Variants in ATRX observed in about 807,000 individuals in gnomAD.
ATRX encodes ATRX chromatin remodeler.
A neutral mutation model predicts 172.6 loss-of-function variants in ATRX; 12 were observed. The observed-to-expected ratio is 0.07, with a 90% CI of 0.04 to 0.11. The LOEUF (loss-of-function observed/expected upper bound fraction) is 0.11, where lower values mean the gene tolerates loss of function less well. ATRX is among the 10% of genes least tolerant of loss of function. ATRX has a pLI of 1.00. For synonymous variants in ATRX, 674 were observed against 594.7 expected, an observed-to-expected ratio of 1.13 and a Z score of -1.94; for missense variants, 1,368 against 1,767.4, an observed-to-expected ratio of 0.77 and a Z score of 4.05.
At chrX:77,666,440 A>G (rs1423255239) in intron 10 of ATRX, among the ~76,000 whole-genome samples, 1 of 112,434 alleles carries the variant, frequency 8.9e-6, no homozygotes, top group Non-Finnish European at 1.9e-5. Context: ...TACTTTCATC[A>G]TTTATAAAAT....
At chrX:77,725,927 C>T (rs1408457154) in intron 1 of ATRX, among the ~76,000 whole-genome samples, 4 of 111,984 alleles carry the variant, frequency 3.6e-5, no homozygotes, top group South Asian at 7.4e-4. Flanking sequence ...AATGAGATAC[C>T]ATCTCATGCC....
intron 10 of ATRX, among the ~76,000 whole-genome samples, chrX:77,669,047 G>A (rs782026901): frequency 4.3e-4 from 48 of 111,369 alleles, no homozygotes; most frequent in African/African-American, 1.4e-3. Context: ...GGGAGCTTTC[G>A]AGCCATTAAC....
intron 12 of ATRX, among the ~76,000 whole-genome samples, chrX:77,662,160 T>C (rs1425562201): frequency 8.9e-6 from 1 of 111,736 alleles, no homozygotes; most frequent in Non-Finnish European, 1.9e-5. Context: ...TTACACAAAA[T>C]GTCCCTCATG....
At chrX:77,739,384 G>GAT (rs1208250650) in intron 1 of ATRX, among the ~76,000 whole-genome samples, 71 of 105,053 alleles carry the variant, frequency 6.8e-4, no homozygotes, top group African/African-American at 1.9e-3. Flanking sequence ...TACATAATCA[G>GAT]ATATATATAT....
intron 10 of ATRX, among the ~76,000 whole-genome samples, chrX:77,673,321 T>C (rs1436256278): frequency 9.0e-6 from 1 of 111,233 alleles, no homozygotes; most frequent in Non-Finnish European, 1.9e-5. Flanking sequence ...CCTACCCTAA[T>C]GGCACTTTCA....
intron 25 of ATRX, among the ~76,000 whole-genome samples, chrX:77,598,238 T>TA (rs1673955975): frequency 9.1e-6 from 1 of 109,994 alleles, no homozygotes; most frequent in Admixed American, 9.8e-5. Context: ...AAACACTGGG[T>TA]ACACATGGAT....
At chrX:77,594,787 G>A (rs782704134) in intron 25 of ATRX, 8 of 111,205 alleles carry the variant, frequency 7.2e-5, no homozygotes, top group Non-Finnish European at 1.3e-4. Flanking sequence ...AGTGTTTTAT[G>A]TTTTTTACTG....
chrX:77,520,130 G>C (rs2063180362), intron 34 of ATRX, among the ~76,000 whole-genome samples: 1 of 111,796 alleles, frequency 8.9e-6, no homozygotes, highest in Non-Finnish European at 1.9e-5. Context: ...ATGATGATAA[G>C]AGAGTAGAAT....
At chrX:77,594,029 C>A in intron 25 of ATRX, 180 bp from the exon 26 acceptor site, 5 of 429,193 alleles carry the variant, frequency 1.2e-5, no homozygotes, top group African/African-American at 2.5e-5. Flanking sequence ...AGGACAGAGA[C>A]TATCCCAGAA....
chrX:77,552,773 T>C (rs1204951234), intron 30 of ATRX, among the ~76,000 whole-genome samples: 3 of 110,388 alleles, frequency 2.7e-5, no homozygotes, highest in African/African-American at 9.9e-5. Flanking sequence ...AAGTAAAAAC[T>C]GAACAAGAAG....
intron 11 of ATRX, 92 bp from the exon 12 acceptor site, chrX:77,663,650 GA>G: frequency 1.3e-6 from 1 of 776,507 alleles, no homozygotes; most frequent in Non-Finnish European, 1.9e-6. Context: ...TGCAACTTAT[GA>G]AAAAAATCAG....
At chrX:77,512,865 G>A (rs782752280) in intron 34 of ATRX, among the ~76,000 whole-genome samples, 15 of 110,777 alleles carry the variant, frequency 1.4e-4, no homozygotes, top group East Asian at 5.7e-4. Flanking sequence ...GTGAAACTCC[G>A]TCTCAAAAAA....
intron 19 of ATRX, among the ~76,000 whole-genome samples, chrX:77,631,528 G>C (rs1163068542): frequency 2.7e-5 from 3 of 111,066 alleles, no homozygotes; most frequent in Non-Finnish European, 5.7e-5. Flanking sequence ...ATCAGTAACA[G>C]CAAGTGCTTA....
intron 1 of ATRX, among the ~76,000 whole-genome samples, chrX:77,773,348 A>T (rs2076232154): frequency 9.0e-6 from 1 of 110,961 alleles, no homozygotes; most frequent in Non-Finnish European, 1.9e-5. Flanking sequence ...GGAAAAAGCA[A>T]GAAAAATGGG....
chrX:77,778,099 A>C (rs2076421095), intron 1 of ATRX, among the ~76,000 whole-genome samples: 1 of 104,713 alleles, frequency 9.5e-6, no homozygotes, highest in African/African-American at 3.5e-5. Context: ...GGTGCCACTG[A>C]GCCCGGGTGA....
chrX:77,604,510 G>A (rs936774486), intron 22 of ATRX, among the ~76,000 whole-genome samples: 2 of 111,812 alleles, frequency 1.8e-5, no homozygotes, highest in African/African-American at 3.2e-5. Context: ...GCAAAGATGC[G>A]GAGGAAAGAG....
chrX:77,517,059 A>C (rs1438298098), intron 34 of ATRX, among the ~76,000 whole-genome samples: 1 of 110,460 alleles, frequency 9.1e-6, no homozygotes, highest in Non-Finnish European at 1.9e-5. Context: ...ACATACAAAA[A>C]CCTATGGGAT....
At chrX:77,761,441 G>A (rs545175565) in intron 1 of ATRX, among the ~76,000 whole-genome samples, 2 of 110,887 alleles carry the variant, frequency 1.8e-5, no homozygotes, top group South Asian at 3.9e-4. Context: ...GGGGGCTGAG[G>A]TGGGATGATC....
chrX:77,671,167 A>AAAAATATATAT (rs1424480831), intron 10 of ATRX, among the ~76,000 whole-genome samples: 22 of 15,729 alleles, frequency 1.4e-3, no homozygotes, highest in Middle Eastern at 0.056. Flanking sequence ...AAAAAAAAAA[A>AAAAATATATAT]ATATATATAT....
Sources: gnomAD v4.1 joint callset for allele counts (sites outside exome capture counted in the v4.1 genomes callset) on GRCh38, gnomAD v4.1.1 for gene constraint, MANE v1.5 for transcripts, NCBI Gene and HGNC (gene_info 2026-07-23, HGNC 2026-07-21) for gene names.